MNAT1: variants seen among roughly 807,000 people sequenced by gnomAD.
MNAT1 encodes the protein CDK-activating kinase assembly factor MAT1.
In MNAT1, 43 loss-of-function variants were observed where a neutral mutation model predicts 42.0. The ratio of observed to expected loss-of-function variants is 1.02; its 90% confidence interval spans 0.80 to 1.32. The LOEUF (loss-of-function observed/expected upper bound fraction) is 1.32, where lower values mean the gene tolerates loss of function less well. Ranked by LOEUF, MNAT1 falls within the 40% of genes most tolerant of loss-of-function variation. The probability of loss-of-function intolerance (pLI) is 0.00; values close to 1 mark genes in which losing one functional copy is unlikely to be tolerated. For synonymous variants in MNAT1, 118 were observed against 120.0 expected (o/e 0.98, Z 0.11); for missense variants, 306 against 350.4 (o/e 0.87, Z 1.01).
chr14:60,935,287 T>A (rs2035971004), intron 7 of MNAT1, among the ~76,000 whole-genome samples: 1 of 150,950 alleles, frequency 6.6e-6, no homozygotes, highest in Admixed American at 6.6e-5. Flanking sequence ...TCTTTCTTCC[T>A]CCCTCCCTCA....
chr14:60,794,220 G>A (rs1252008523), intron 1 of MNAT1, among the ~76,000 whole-genome samples: 1 of 152,110 alleles, frequency 6.6e-6, no homozygotes, highest in Non-Finnish European at 1.5e-5. Flanking sequence ...CCATGGATGG[G>A]TTTAATTTCC....
intron 6 of MNAT1, among the ~76,000 whole-genome samples, chr14:60,875,698 C>T (rs1451713384): frequency 6.6e-6 from 1 of 152,090 alleles, no homozygotes; most frequent in Admixed American, 6.6e-5. Context: ...GATGTCCCCA[C>T]AAACTTCAGA....
intron 6 of MNAT1, among the ~76,000 whole-genome samples, chr14:60,834,049 A>G (rs1428278283): frequency 1.3e-5 from 2 of 152,044 alleles, no homozygotes; most frequent in Admixed American, 6.6e-5. Flanking sequence ...TATTGTGTCT[A>G]TTTGATTCTT....
rs117807482 is a variant in MNAT1, at chr14:60,894,558, A to G, written c.809+14723A>G. Among the ~76,000 whole-genome samples the G allele has an allele frequency of 1.2e-3, 188 of 151,888 alleles. 1 individual carries two copies. In the East Asian group the frequency reaches 0.023, roughly 18 times the overall value. ...TGTGTTTCTTTCTGCCTTTACCTCT[A>G]TGGGTTGGAGTTTTAAATGTAGGAT... On this transcript the variant is annotated intron_variant, in intron 7 of 7. Coordinates refer to ENST00000261245, the MANE Select transcript of MNAT1 (RefSeq NM_002431.4).
intron 6 of MNAT1, among the ~76,000 whole-genome samples, chr14:60,871,828 G>A (rs559282703): frequency 6.6e-6 from 1 of 151,974 alleles, no homozygotes; most frequent in South Asian, 2.1e-4. Flanking sequence ...TCACCATGTC[G>A]GCCAGGCTGG....
At chr14:60,794,967 G>A (rs888049314) in intron 1 of MNAT1, among the ~76,000 whole-genome samples, 3 of 151,840 alleles carry the variant, frequency 2.0e-5, no homozygotes, top group African/African-American at 7.3e-5. Flanking sequence ...AACAAGATAG[G>A]CAACATTCTG....
intron 7 of MNAT1, among the ~76,000 whole-genome samples, chr14:60,939,581 A>G (rs1339815527): frequency 2.0e-5 from 3 of 152,124 alleles, no homozygotes; most frequent in African/African-American, 7.2e-5. Context: ...GTTTGATTGC[A>G]CTGTGGTCTG....
At chr14:60,957,169 G>GT (rs1424569743) in intron 7 of MNAT1, among the ~76,000 whole-genome samples, 1 of 151,494 alleles carries the variant, frequency 6.6e-6, no homozygotes, top group East Asian at 1.9e-4. Context: ...TCTACTGTAG[G>GT]TTTTTGCATT....
chr14:60,833,110 G>A lies in MNAT1; in HGVS notation c.687+14263G>A, dbSNP rs553126510. On this transcript the variant is annotated intron_variant, in intron 6 of 7. Transcript: ENST00000261245. ...GATGGGGTTTTCTAAATATACAATC[G>A]TGTCATCTGCAAACAGAGACAATTT... 3.7e-4 allele frequency among the ~76,000 whole-genome samples: 56 copies of A among 152,088 alleles called. No individual in the cohort carries two copies. In the Middle Eastern group the frequency reaches 0.01, roughly 28 times the overall value.
intron 1 of MNAT1, among the ~76,000 whole-genome samples, chr14:60,762,816 CA>C (rs1296222104): frequency 6.6e-6 from 1 of 150,956 alleles, no homozygotes; most frequent in African/African-American, 2.4e-5. Flanking sequence ...TATGCTAAAC[CA>C]AAAACTAAAT....
intron 1 of MNAT1, chr14:60,779,860 G>A (rs974542427): frequency 1.6e-6 from 1 of 637,696 alleles, no homozygotes; most frequent in Non-Finnish European, 2.8e-6. Flanking sequence ...AGAAGCAAGT[G>A]GATGGTCTTT....
intron 7 of MNAT1, among the ~76,000 whole-genome samples, chr14:60,913,076 TCATCTTC>T (rs2035417572): frequency 6.6e-6 from 1 of 152,192 alleles, no homozygotes; most frequent in Non-Finnish European, 1.5e-5. Flanking sequence ...TTCATTCATT[TCATCTTC>T]CACCGCTGAT....
intron 7 of MNAT1, among the ~76,000 whole-genome samples, chr14:60,955,402 C>G (rs1172507896): frequency 6.6e-6 from 1 of 152,028 alleles, no homozygotes; most frequent in Admixed American, 6.6e-5. Context: ...TGGCTCACAC[C>G]TGTAATCCCA....
At chr14:60,958,700 G>A (rs1210654614) in intron 7 of MNAT1, among the ~76,000 whole-genome samples, 3 of 137,038 alleles carry the variant, frequency 2.2e-5, no homozygotes, top group Non-Finnish European at 3.1e-5. Context: ...GCAGTGGCGC[G>A]ATCTTGGCTC....
chr14:60,855,174 G>A (rs900903446), intron 6 of MNAT1, among the ~76,000 whole-genome samples: 19 of 152,136 alleles, frequency 1.2e-4, no homozygotes, highest in African/African-American at 4.1e-4. Context: ...CACCAAGCTC[G>A]ACTGACCTAG....
chr14:60,799,511 C>A (rs760310156), intron 3 of MNAT1: 15 of 625,674 alleles, frequency 2.4e-5, no homozygotes, highest in Non-Finnish European at 2.8e-5. Flanking sequence ...AAAGTCTGGT[C>A]AAGCAATAAA....
intron 7 of MNAT1, among the ~76,000 whole-genome samples, chr14:60,918,757 T>TATATATATA (rs76614015): frequency 1.4e-5 from 2 of 144,640 alleles, no homozygotes; most frequent in South Asian, 2.2e-4. Context: ...TATATATATA[T>TATATATATA]TTTTGTCCTT....
intron 1 of MNAT1, among the ~76,000 whole-genome samples, chr14:60,787,949 T>C (rs2031703309): frequency 6.6e-6 from 1 of 152,220 alleles, no homozygotes; most frequent in African/African-American, 2.4e-5. Context: ...TGCCTTTTAA[T>C]GTTAATATTT....
intron 1 of MNAT1, among the ~76,000 whole-genome samples, chr14:60,755,831 A>G (rs2030326231): frequency 6.6e-6 from 1 of 152,220 alleles, no homozygotes; most frequent in African/African-American, 2.4e-5. Context: ...TGCTTGTCCT[A>G]GGAGAGGCAT....
Sources: gnomAD v4.1 joint callset for allele counts (sites outside exome capture counted in the v4.1 genomes callset) on GRCh38, gnomAD v4.1.1 for gene constraint, MANE v1.5 for transcripts, NCBI Gene and HGNC (gene_info 2026-07-23, HGNC 2026-07-21) for gene names.